XPO1: variants seen among roughly 807,000 people sequenced by gnomAD.
XPO1 encodes the protein exportin 1, also known as exportin-1.
XPO1 carries 5 observed loss-of-function variants against 133.3 expected under a neutral mutation model. The observed-to-expected ratio is 0.04, with a 90% CI of 0.02 to 0.08. The LOEUF (loss-of-function observed/expected upper bound fraction) is 0.08. Among genes scored for constraint, XPO1 ranks in the 10% least tolerant of loss-of-function variants. The pLI is 1.00. For synonymous variants in XPO1, 419 were observed against 408.2 expected (o/e 1.03, Z -0.32); for missense variants, 506 against 1,267.5 (o/e 0.40, Z 9.12).
chr2:61,496,031 G>T (rs542529631), intron 10 of XPO1, among the ~76,000 whole-genome samples: 66 of 152,122 alleles, frequency 4.3e-4, no homozygotes, highest in South Asian at 3.5e-3. Context: ...ACCACATACA[G>T]AACTCCTAGG....
At chr2:61,528,733 T>TTATATATATATA (rs10528074) in intron 2 of XPO1, among the ~76,000 whole-genome samples, 6 of 115,826 alleles carry the variant, frequency 5.2e-5, no homozygotes, top group Non-Finnish European at 1.1e-4. Flanking sequence ...GACATTTTAT[T>TTATATATATATA]TATATATATA....
intron 21 of XPO1, 180 bp from the exon 22 acceptor site, chr2:61,483,271 C>G: frequency 1.8e-6 from 1 of 569,086 alleles, no homozygotes. Context: ...ATATCCAATG[C>G]TGGCTTACTT....
intron 4 of XPO1, among the ~76,000 whole-genome samples, chr2:61,511,192 C>G (rs144743282): frequency 6.6e-6 from 1 of 151,756 alleles, no homozygotes; most frequent in Non-Finnish European, 1.5e-5. Flanking sequence ...GGCGCAATCT[C>G]GGCTCACTGC....
chr2:61,516,323 C>CAA lies in XPO1; in HGVS notation c.301+6286_301+6287dup, dbSNP rs113228751. Among the ~76,000 whole-genome samples, 614 of 141,644 alleles carry CAA rather than the reference C, an allele frequency of 4.3e-3. 2 individuals carry two copies. Among genetic ancestry groups the CAA allele is most frequent in the African/African-American group, 0.011 (446 of 38,882 alleles). 92.9% of individuals were successfully genotyped at this position (141,644 alleles called of 152,430 possible). On this transcript the variant is annotated intron_variant, in intron 4 of 24. Coordinates refer to ENST00000401558, the MANE Select transcript of XPO1 (RefSeq NM_003400.4). ...TCCGCCTCGAAAAAACCAAACCAAA[C>CAA]AAAAAAAAAAAATCAAACCTTGTAA...
intron 2 of XPO1, among the ~76,000 whole-genome samples, chr2:61,527,698 A>G (rs951383149): frequency 6.6e-6 from 1 of 152,072 alleles, no homozygotes; most frequent in Admixed American, 6.6e-5. Flanking sequence ...TATTGTAACC[A>G]TCCTTTCTCC....
At chr2:61,519,698 CAAAAAAA>C (rs753424450) in intron 4 of XPO1, among the ~76,000 whole-genome samples, 33,813 of 72,500 alleles carry the variant, frequency 0.47, 4,189 homozygotes, top group Middle Eastern at 0.6. Context: ...GACTCCGTCT[CAAAAAAA>C]AAAAAAAAAA....
chr2:61,512,576 G>C (rs898418349), intron 4 of XPO1, among the ~76,000 whole-genome samples: 2 of 152,148 alleles, frequency 1.3e-5, no homozygotes, highest in African/African-American at 2.4e-5. Flanking sequence ...CTCTATATTA[G>C]CAAGAAATAA....
At chr2:61,483,902 GCAGGCAA>G in intron 21 of XPO1, 28 bp downstream of exon 21, 1 of 1,598,250 alleles carries the variant, frequency 6.3e-7, no homozygotes, top group Non-Finnish European at 8.5e-7. Context: ...TTTTGGATTG[GCAGGCAA>G]ATGAATAAAA....
Position 61,492,818 on chromosome 2 carries a change from A to C in XPO1, c.1385-70T>G. On this transcript the variant is annotated intron_variant, in intron 13 of 24. Transcript: ENST00000401558. The surrounding 1 kb of genome is among the most constrained non-coding windows in gnomAD (Gnocchi z 5.6). ...TTTATTGATGAGTAACAATACATTT[A>C]GAAAATATTTAGAAACTACAAGTAC... 6.4e-7 allele frequency: 1 copy of C among 1,564,594 alleles called. No individual in the cohort carries two copies. Among genetic ancestry groups the C allele is most frequent in the Non-Finnish European group, 8.7e-7 (1 of 1,154,630 alleles).
At position 61,478,560 on chromosome 2, in the gene XPO1, A is replaced by G. The variant is rs530001194; in HGVS notation, c.*260T>C. On this transcript the variant is annotated 3_prime_UTR_variant, in exon 25 of 25. Transcript: ENST00000401558. ...GCCTCCTCCCCCCAGCCCAGCCACA[A>G]AAATGGGCATGAAGTAAAATTTTTA... The G allele has an allele frequency of 2.8e-5, 11 of 393,160 alleles. No individual in the cohort carries two copies. The highest frequency in any genetic ancestry group is 1.2e-4 in the East Asian group (3 of 24,510). 24.4% of individuals were successfully genotyped at this position (393,160 alleles called of 1,614,324 possible).
Position 61,504,326 on chromosome 2 carries a change from G to A in XPO1, c.302-2016C>T, listed in dbSNP as rs191512851. 2.6e-5 allele frequency among the ~76,000 whole-genome samples: 4 copies of A among 152,164 alleles called. No individual in the cohort carries two copies. In the East Asian group the frequency reaches 7.7e-4, roughly 29 times the overall value. ...TAGGTTCCATTCTCCAAAATCACAG[G>A]GTTCAAGAGTGTTGCAGAATGTTAA... On this transcript the variant is annotated intron_variant, in intron 4 of 24. Coordinates refer to ENST00000401558, the MANE Select transcript of XPO1 (RefSeq NM_003400.4).
chr2:61,494,897 AG>A (rs1697171254), intron 11 of XPO1, among the ~76,000 whole-genome samples: 1 of 151,692 alleles, frequency 6.6e-6, no homozygotes, highest in African/African-American at 2.4e-5. Context: ...GCTGGAGTGC[AG>A]TACTGTGATC....
rs893078166 is a variant in XPO1 at position 61,492,285 on chromosome 2, A to G, written c.1723+40T>C. The G allele has an allele frequency of 1.9e-6, 3 of 1,581,782 alleles. No individual in the cohort carries two copies. The highest frequency in any genetic ancestry group is 2.6e-6 in the Non-Finnish European group (3 of 1,169,674). On this transcript the variant is annotated intron_variant, in intron 15 of 24. Transcript: ENST00000401558. The surrounding 1 kb of genome is among the most constrained non-coding windows in gnomAD (Gnocchi z 5.6). ...CAAAAACATTCATTTATTTTCTTCA[A>G]TAAAAATAAAAGCAAAATATAGTAA...
intron 2 of XPO1, among the ~76,000 whole-genome samples, chr2:61,529,326 A>T (rs971319765): frequency 2.0e-5 from 3 of 152,210 alleles, no homozygotes; most frequent in African/African-American, 7.2e-5. Flanking sequence ...ATACCTTATA[A>T]TCTTTAGCTT....
intron 23 of XPO1, among the ~76,000 whole-genome samples, chr2:61,481,897 A>T (rs563432136): frequency 6.6e-6 from 1 of 151,634 alleles, no homozygotes; most frequent in Non-Finnish European, 1.5e-5. Flanking sequence ...CACCATGCCC[A>T]ACTAATTTTT....
chr2:61,508,502 T>C (rs1382519171), intron 4 of XPO1, among the ~76,000 whole-genome samples: 1 of 152,218 alleles, frequency 6.6e-6, no homozygotes, highest in East Asian at 1.9e-4. Context: ...AACTGCATAG[T>C]ATCAACTTCA....
At chr2:61,525,481 G>T (rs1305404993) in intron 3 of XPO1, 13 of 1,008,204 alleles carry the variant, frequency 1.3e-5, no homozygotes, top group Non-Finnish European at 1.5e-5. Flanking sequence ...GTAAATTGAA[G>T]AATTCTTTAC....
chr2:61,533,740 T>A, intron 2 of XPO1, 32 bp downstream of exon 2: 1 of 1,546,458 alleles, frequency 6.5e-7, no homozygotes, highest in African/African-American at 1.4e-5. Context: ...TACACTGTCA[T>A]AATGTTATAA....
intron 10 of XPO1, 115 bp from the exon 11 acceptor site, chr2:61,495,728 G>C: frequency 1.8e-6 from 2 of 1,085,922 alleles, no homozygotes; most frequent in African/African-American, 1.6e-5. Flanking sequence ...CTGGAGTGCA[G>C]TGGTATGACC....
Sources: allele counts gnomAD v4.1 joint callset (sites outside exome capture counted in the v4.1 genomes callset), GRCh38; gene constraint gnomAD v4.1.1; non-coding constraint Gnocchi (gnomAD v3.1); transcripts MANE v1.5; gene names NCBI Gene and HGNC (gene_info 2026-07-23, HGNC 2026-07-21).